The following MAP3K4 variants were observed in gnomAD, a reference collection of about 807,000 sequenced individuals.
The protein encoded by MAP3K4 is MAP three kinase 1.
In MAP3K4, 67 loss-of-function variants were observed where a neutral mutation model predicts 185.6. The ratio of observed to expected loss-of-function variants is 0.36; its 90% CI spans 0.30 to 0.44. The LOEUF (loss-of-function observed/expected upper bound fraction) is 0.44, where lower values mean the gene tolerates loss of function less well. MAP3K4 is among the 20% of genes least tolerant of loss of function. The pLI, the probability that MAP3K4 is intolerant of heterozygous loss-of-function variation, is 1.00. For synonymous variants in MAP3K4, 702 were observed against 710.4 expected (o/e 0.99, Z 0.19); for missense variants, 1,551 against 1,995.1 (o/e 0.78, Z 4.24).
At chr6:161,090,021 C>T (rs1419053731) in intron 11 of MAP3K4, among the ~76,000 whole-genome samples, 1 of 152,172 alleles carries the variant, frequency 6.6e-6, no homozygotes, top group Admixed American at 6.5e-5. Context: ...ATGTATCAGT[C>T]TTGATCTCAT....
intron 3 of MAP3K4, among the ~76,000 whole-genome samples, chr6:161,050,814 A>G (rs1783968728): frequency 6.6e-6 from 1 of 152,174 alleles, no homozygotes; most frequent in Admixed American, 6.5e-5. Context: ...TGAAACCCAA[A>G]TCTTTGAAAT....
chr6:161,051,663 G>A lies in MAP3K4; in HGVS notation c.1707+1684G>A, dbSNP rs929715045. The stretch of plus-strand genomic sequence containing the variant: ...TTGGTATCTCATCCCAGGGGGATTT[G>A]TTCCAGGACCCCCATGGACACTCAA... On this transcript the variant is annotated intron_variant, in intron 3 of 26. Transcript: ENST00000392142. This position sits in a 1 kb window ranked among gnomAD's most constrained non-coding sequence, Gnocchi z 4.2. Among the ~76,000 whole-genome samples, 1 of 152,194 alleles carries A rather than the reference G, an allele frequency of 6.6e-6. No individual in the cohort carries two copies. Among genetic ancestry groups the A allele is most frequent in the Admixed American group, 6.5e-5 (1 of 15,288 alleles).
At position 161,107,937 on chromosome 6, in the gene MAP3K4, G is replaced by A. The variant is rs774825182; in HGVS notation, c.4087G>A (p.Val1363Ile). 8.7e-6 allele frequency: 14 copies of A among 1,613,926 alleles called. No individual in the cohort carries two copies. Among genetic ancestry groups the A allele is most frequent in the African/African-American group, 6.7e-5 (5 of 74,920 alleles). The change falls in exon 21 of 27, where the codon GTC becomes ATC. Residue 1363 changes from valine to isoleucine, a missense_variant. Physicochemically the swap from Val to Ile is conservative, Grantham distance 29. Transcript: ENST00000392142. This position sits in a 1 kb window ranked among gnomAD's most constrained non-coding sequence, Gnocchi z 6.2. Reference protein sequence around the residue: ...QYGKVYTCISVDTGELMAMKE... With the variant: ...QYGKVYTCISIDTGELMAMKE... ...TGGGAAGGTGTACACCTGCATCAGC[G>A]TCGACACCGGGGAGCTGATGGCCAT...
intron 1 of MAP3K4, among the ~76,000 whole-genome samples, chr6:161,004,596 G>C (rs912072538): frequency 6.6e-6 from 1 of 152,154 alleles, no homozygotes; most frequent in African/African-American, 2.4e-5. Flanking sequence ...TTTATGATTT[G>C]ATTTTGGTAA....
rs759924413 is a variant in MAP3K4, at chr6:160,992,006, GCCGCCA to G, written c.81_86del (p.Pro35_Pro36del). The G allele has an allele frequency of 3.2e-4, 496 of 1,543,832 alleles. No homozygotes were observed. The highest frequency in any genetic ancestry group is 3.4e-4 in the Non-Finnish European group (391 of 1,152,162). ...CGCCTGCCGCCGCCATGGAGGAGCCGCCGCCACCGCCGCCGCCGCCACCACCGCCAC... is the reference window on the plus strand; with the variant it reads ...CGCCTGCCGCCGCCATGGAGGAGCCGCCGCCGCCGCCGCCACCACCGCCAC... On this transcript the variant is annotated inframe_deletion, in exon 1 of 27. Transcript: ENST00000392142.
chr6:160,994,310 G>A (rs567158832), intron 1 of MAP3K4, among the ~76,000 whole-genome samples: 2 of 152,140 alleles, frequency 1.3e-5, no homozygotes, highest in South Asian at 4.2e-4. Context: ...CTTCCCCCGA[G>A]TCTTCAAAGT....
Position 161,051,266 on chromosome 6 carries a change from CTGGCT to C in MAP3K4, c.1707+1290_1707+1294del, listed in dbSNP as rs1033678846. Among the ~76,000 whole-genome samples, 7 of 152,018 alleles carry C rather than the reference CTGGCT, an allele frequency of 4.6e-5. No individual in the cohort carries two copies. The highest frequency in any genetic ancestry group is 1.7e-4 in the African/African-American group (7 of 41,464). ...TAACTTCATTTTTTTTTTACACAGC[CTGGCT>C]TGCTTTAAATTCATTAACGATAAAC... On this transcript the variant is annotated intron_variant, in intron 3 of 26. Transcript: ENST00000392142. This position sits in a 1 kb window ranked among gnomAD's most constrained non-coding sequence, Gnocchi z 4.2.
intron 1 of MAP3K4, among the ~76,000 whole-genome samples, chr6:161,027,015 C>T (rs977313588): frequency 6.6e-6 from 1 of 151,518 alleles, no homozygotes; most frequent in Admixed American, 6.6e-5. Flanking sequence ...AGTTCAGGAC[C>T]GATAAAATAT....
In MAP3K4 at chr6:161,082,299, T is replaced by C. The variant is rs1047308830; in HGVS notation, c.2255+1261T>C. 1.3e-5 allele frequency among the ~76,000 whole-genome samples: 2 copies of C among 152,098 alleles called. No homozygotes were observed. Among genetic ancestry groups the C allele is most frequent in the African/African-American group, 4.8e-5 (2 of 41,422 alleles). On this transcript the variant is annotated intron_variant, in intron 6 of 26. Coordinates refer to ENST00000392142, the MANE Select transcript of MAP3K4 (RefSeq NM_005922.4). This position sits in a 1 kb window ranked among gnomAD's most constrained non-coding sequence, Gnocchi z 4.2. ...TGATTCTGCTTTGCCTAATTCCTTC[T>C]GTTTGCATTTTCTGTTTCCAACCTG...
rs1425005958 is a variant in MAP3K4, at chr6:161,051,856, A to G, written c.1707+1877A>G. ...CTGTATCTTTTTTGTTTGTATTATTACTATTACTGTTTTAGAGACAAGATC... is the reference window on the plus strand; with the variant it reads ...CTGTATCTTTTTTGTTTGTATTATTGCTATTACTGTTTTAGAGACAAGATC... On this transcript the variant is annotated intron_variant, in intron 3 of 26. Transcript: ENST00000392142. This position sits in a 1 kb window ranked among gnomAD's most constrained non-coding sequence, Gnocchi z 4.2. Among the ~76,000 whole-genome samples, 1 of 152,198 alleles carries G rather than the reference A, an allele frequency of 6.6e-6. No individual in the cohort carries two copies. The highest frequency in any genetic ancestry group is 1.5e-5 in the Non-Finnish European group (1 of 68,038).
chr6:161,070,230 G>T lies in MAP3K4; in HGVS notation c.1708-378G>T, dbSNP rs1000664856. The stretch of plus-strand genomic sequence containing the variant: ...TTTCTCTAATTTCAGTAATTCTCTG[G>T]TTTTTTTCCCAGTCTAGAGATAGTT... On this transcript the variant is annotated intron_variant, in intron 3 of 26. Coordinates refer to ENST00000392142, the MANE Select transcript of MAP3K4 (RefSeq NM_005922.4). This position sits in a 1 kb window ranked among gnomAD's most constrained non-coding sequence, Gnocchi z 4.5. Among the ~76,000 whole-genome samples, 15 of 151,988 alleles carry T rather than the reference G, an allele frequency of 9.9e-5. No homozygotes were observed. Among genetic ancestry groups the T allele is most frequent in the East Asian group, 3.9e-4 (2 of 5,184 alleles).
intron 1 of MAP3K4, among the ~76,000 whole-genome samples, chr6:161,027,081 G>T (rs1454735854): frequency 6.6e-6 from 1 of 151,928 alleles, no homozygotes; most frequent in Non-Finnish European, 1.5e-5. Flanking sequence ...CATAAATCAG[G>T]CAGGCCTCAT....
rs200010248 is a variant in MAP3K4 at position 161,049,246 on chromosome 6, A to G, written c.974A>G (p.Gln325Arg). ...TTTAATGGTACTTCAGTAGAAGGGC[A>G]GTGCAAAGCCACTCCTGGAACAAAG... The part of the protein sequence containing the change: ...AGFNGTSVEG[Q>R]CKATPGTKIV... Residue 325 changes from glutamine to arginine, a missense_variant, in exon 3 of 27, where the codon CAG (glutamine) becomes CGG (arginine). Gln to Arg is a conservative substitution (Grantham distance 43). Coordinates refer to ENST00000392142, the MANE Select transcript of MAP3K4 (RefSeq NM_005922.4). This position sits in a 1 kb window ranked among gnomAD's most constrained non-coding sequence, Gnocchi z 8.4. The G allele has an allele frequency of 4.7e-4, 763 of 1,614,058 alleles. No individual in the cohort carries two copies. The highest frequency in any genetic ancestry group is 6.0e-4 in the Non-Finnish European group (703 of 1,180,016).
intron 3 of MAP3K4, among the ~76,000 whole-genome samples, chr6:161,057,864 C>G (rs1784313168): frequency 6.6e-6 from 1 of 152,160 alleles, no homozygotes; most frequent in African/African-American, 2.4e-5. Context: ...CTTAAACATA[C>G]AAACATACAA....
At chr6:161,104,394 AC>A (rs1423293609) in intron 19 of MAP3K4, among the ~76,000 whole-genome samples, 1 of 145,582 alleles carries the variant, frequency 6.9e-6, no homozygotes, top group African/African-American at 2.6e-5. Context: ...AGCCTGGGCA[AC>A]AAGAGCAAAA....
At chr6:161,094,867 C>T (rs746474922) in intron 15 of MAP3K4, among the ~76,000 whole-genome samples, 5 of 152,190 alleles carry the variant, frequency 3.3e-5, no homozygotes, top group Non-Finnish European at 4.4e-5. Flanking sequence ...TATCCTAAAA[C>T]ACTTCTCTAA....
chr6:161,112,442 A>G lies in MAP3K4; in HGVS notation c.4520-226A>G, dbSNP rs56691844. Among the ~76,000 whole-genome samples, 575 of 152,328 alleles carry G rather than the reference A, an allele frequency of 3.8e-3. 5 individuals carry two copies. The Middle Eastern group carries it at 0.054, about 14-fold the overall frequency. ...ATTTTCTATTTTCATTGTGAATACA[A>G]TTAATTTGAAAATGTGTACATTCAA... On this transcript the variant is annotated intron_variant, in intron 24 of 26. Coordinates refer to ENST00000392142, the MANE Select transcript of MAP3K4 (RefSeq NM_005922.4). The surrounding 1 kb of genome is among the most constrained non-coding windows in gnomAD (Gnocchi z 5.1).
intron 2 of MAP3K4, among the ~76,000 whole-genome samples, chr6:161,042,767 A>G (rs779050035): frequency 2.6e-4 from 39 of 152,146 alleles, no homozygotes; most frequent in Non-Finnish European, 5.1e-4. Flanking sequence ...CCCAAGCCAA[A>G]ACCCTTTCCA....
Position 161,076,494 on chromosome 6 carries a change from A to G in MAP3K4, c.2097+2882A>G, listed in dbSNP as rs1785185225. Among the ~76,000 whole-genome samples, 1 of 152,240 alleles carries G rather than the reference A, an allele frequency of 6.6e-6. No homozygotes were observed. Among genetic ancestry groups the G allele is most frequent in the Non-Finnish European group, 1.5e-5 (1 of 68,048 alleles). On this transcript the variant is annotated intron_variant, in intron 5 of 26. Coordinates refer to ENST00000392142, the MANE Select transcript of MAP3K4 (RefSeq NM_005922.4). The surrounding 1 kb of genome is among the most constrained non-coding windows in gnomAD (Gnocchi z 4.2). ...CTTAAGCATGTAGGTCAAAGGAAGT[A>G]ACTTGGTGAGCATTTGGAACATCAA...
Sources: gnomAD v4.1 joint callset for allele counts (sites outside exome capture counted in the v4.1 genomes callset) on GRCh38, gnomAD v4.1.1 for gene constraint, Gnocchi (gnomAD v3.1) non-coding constraint, MANE v1.5 for transcripts, NCBI Gene and HGNC (gene_info 2026-07-23, HGNC 2026-07-21) for gene names.